Variants in DLG3 observed in about 807,000 individuals in gnomAD.
DLG3 encodes the protein disks large homolog 3.
In DLG3, 1 loss-of-function variant was observed where a neutral mutation model predicts 64.1. The observed-to-expected ratio is 0.02, with a 90% CI of 0.01 to 0.07. The LOEUF (loss-of-function observed/expected upper bound fraction) is 0.07, where lower values mean the gene tolerates loss of function less well. DLG3 is among the 10% of genes least tolerant of loss of function. The pLI is 1.00. For synonymous variants in DLG3, 245 were observed against 259.8 expected, an observed-to-expected ratio of 0.94 and a Z score of 0.55; for missense variants, 429 against 669.5, an observed-to-expected ratio of 0.64 and a Z score of 3.96.
chrX:70,473,336 C>T lies in DLG3; in HGVS notation c.1406-5814C>T, dbSNP rs765578324. On this transcript the variant is annotated intron_variant, in intron 9 of 18. Transcript: ENST00000374360. ...CTTCTGTCTGGAATGCTTTCTTCAC[C>T]AGCGCCCTTTCCCTGGACTCAGCTT... 8.2e-5 allele frequency among the ~76,000 whole-genome samples: 9 copies of T among 110,031 alleles called. No homozygotes were observed. The East Asian group carries it at 2.3e-3, about 28-fold the overall frequency.
chrX:70,452,580 G>A, intron 7 of DLG3: 1 of 1,169,738 alleles, frequency 8.5e-7, no homozygotes. Flanking sequence ...AGGCAGCAGT[G>A]GAGCCGGAAG....
chrX:70,479,085 A>G lies in DLG3; in HGVS notation c.1406-65A>G, dbSNP rs2087107648. The G allele has an allele frequency of 1.6e-5, 17 of 1,037,799 alleles. 1 individual carries two copies. In the South Asian group the frequency reaches 3.2e-4, roughly 20 times the overall value. The allele number at this position is 1,037,799 out of a possible 1,213,427, so 85.5% of individuals were successfully genotyped here. A position where few individuals can be genotyped will look rare whatever the true frequency, so the allele number is the denominator to read the frequency against. On this transcript the variant is annotated intron_variant, in intron 9 of 18. Transcript: ENST00000374360. ...GCCTTCTGGCTTTTTGGCTGCTGGC[A>G]TGCAAGCTCAGAGGCGCTCCTTGAG...
At chrX:70,454,124 G>C (rs1466108000) in intron 8 of DLG3, 90 bp from the exon 9 acceptor site, 1 of 808,324 alleles carries the variant, frequency 1.2e-6, no homozygotes, top group African/African-American at 2.0e-5. Flanking sequence ...AGGCTTAGGG[G>C]TGGGGTACCC....
At chrX:70,466,525 G>A (rs768555934) in intron 9 of DLG3, among the ~76,000 whole-genome samples, 2 of 104,576 alleles carry the variant, frequency 1.9e-5, no homozygotes, top group African/African-American at 3.5e-5. Context: ...TGCAACCTTC[G>A]CTTCCCAGGT....
chrX:70,466,444 T>C (rs2086888749), intron 9 of DLG3, among the ~76,000 whole-genome samples: 1 of 107,925 alleles, frequency 9.3e-6, no homozygotes, highest in African/African-American at 3.3e-5. Context: ...TTGCTTTCTT[T>C]TTTTTTTTTT....
At chrX:70,498,430 G>A in intron 13 of DLG3, 90 bp from the exon 14 acceptor site, 1 of 930,164 alleles carries the variant, frequency 1.1e-6, no homozygotes, top group East Asian at 3.2e-5. Flanking sequence ...ACCTGATAAG[G>A]CTGTGTCCTG....
chrX:70,468,261 G>T (rs2086916273), intron 9 of DLG3, among the ~76,000 whole-genome samples: 1 of 111,100 alleles, frequency 9.0e-6, no homozygotes, highest in Non-Finnish European at 1.9e-5. Flanking sequence ...GTAGAGATGG[G>T]TTTTCACCAT....
chrX:70,445,960 A>C, intron 1 of DLG3, among the ~76,000 whole-genome samples: 1 of 95,054 alleles, frequency 1.1e-5, no homozygotes, highest in Admixed American at 1.1e-4. Context: ...CGTAGGGGGG[A>C]CATATGTGTG....
chrX:70,485,258 A>C (rs1320711867), intron 10 of DLG3, among the ~76,000 whole-genome samples: 1 of 111,896 alleles, frequency 8.9e-6, no homozygotes, highest in East Asian at 2.8e-4. Flanking sequence ...ATGAAGCATA[A>C]GACATGGTCT....
At chrX:70,446,804 G>C (rs1352265466) in intron 1 of DLG3, among the ~76,000 whole-genome samples, 1 of 112,661 alleles carries the variant, frequency 8.9e-6, no homozygotes, top group African/African-American at 3.2e-5. Flanking sequence ...TGGGGAGAGA[G>C]GAAGAGGAGG....
rs2086600741 is a variant in DLG3, at chrX:70,449,864, G to A, written c.703+5G>A. 5 of 1,173,908 alleles carry A rather than the reference G, an allele frequency of 4.3e-6. No homozygotes were observed. The highest frequency in any genetic ancestry group is 1.8e-5 in the African/African-American group (1 of 56,605). ...ACCTGCTCAAAGGGCCCAAAGGTGC[G>A]GCCCTCCAGGTTCCTGTGCTCCAGC... On this transcript the variant is annotated splice_donor_5th_base_variant and intron_variant, in intron 4 of 18. Transcript: ENST00000374360.
intron 9 of DLG3, among the ~76,000 whole-genome samples, chrX:70,466,731 C>T (rs769772587): frequency 1.5e-4 from 17 of 110,803 alleles, no homozygotes; most frequent in Non-Finnish European, 2.5e-4. Context: ...TGAGGCACTG[C>T]GCCCAGCCTG....
intron 14 of DLG3, among the ~76,000 whole-genome samples, chrX:70,498,826 A>G (rs1208898824): frequency 8.9e-6 from 1 of 111,870 alleles, no homozygotes; most frequent in East Asian, 2.8e-4. Context: ...CAAATTTACA[A>G]GGAAAGTCTA....
At chrX:70,445,689 T>C in intron 1 of DLG3, 131 bp downstream of exon 1, 1 of 609,641 alleles carries the variant, frequency 1.6e-6, no homozygotes, top group South Asian at 2.8e-5. Context: ...GCATTGCAGC[T>C]GGGCAAAGAG....
At chrX:70,486,815 C>T (rs189964363) in intron 10 of DLG3, among the ~76,000 whole-genome samples, 1 of 110,852 alleles carries the variant, frequency 9.0e-6, no homozygotes. Context: ...AGTGCCTGCC[C>T]TAAGGATAAA....
intron 9 of DLG3, among the ~76,000 whole-genome samples, chrX:70,467,435 T>G (rs1214551726): frequency 8.9e-6 from 1 of 112,193 alleles, no homozygotes; most frequent in Non-Finnish European, 1.9e-5. Context: ...ACTTTTGGAT[T>G]ATCAGTTACT....
chrX:70,493,450 G>T (rs866539234), intron 12 of DLG3: 1 of 1,207,656 alleles, frequency 8.3e-7, no homozygotes, highest in East Asian at 3.0e-5. Flanking sequence ...AAGAAAACAT[G>T]GCCCAGGAGA....
At chrX:70,456,736 C>T (rs1281449473) in intron 9 of DLG3, among the ~76,000 whole-genome samples, 1 of 107,701 alleles carries the variant, frequency 9.3e-6, no homozygotes, top group Non-Finnish European at 1.9e-5. Context: ...CCAGCAAGTC[C>T]CCAACATGCA....
intron 9 of DLG3, among the ~76,000 whole-genome samples, chrX:70,464,469 C>T (rs2147806310): frequency 9.1e-6 from 1 of 110,389 alleles, no homozygotes; most frequent in South Asian, 3.9e-4. Flanking sequence ...CCATGTTGCT[C>T]AGGCTGGTCT....
Sources: gnomAD v4.1 joint callset for allele counts (sites outside exome capture counted in the v4.1 genomes callset) on GRCh38, gnomAD v4.1.1 for gene constraint, MANE v1.5 for transcripts, NCBI Gene and HGNC (gene_info 2026-07-23, HGNC 2026-07-21) for gene names.